Variants in HSPA12A observed in about 807,000 individuals in gnomAD.
The protein encoded by HSPA12A is heat shock 70 kDa protein 12A.
A neutral mutation model predicts 69.2 loss-of-function variants in HSPA12A; 28 were observed. That is an observed-to-expected ratio of 0.40 (90% CI 0.30 to 0.55). HSPA12A has a LOEUF of 0.55. HSPA12A is among the 20% of genes least tolerant of loss of function. The pLI is 0.38. For missense variants in HSPA12A, 686 were observed against 900.7 expected (o/e 0.76, Z 3.05); for synonymous variants, 345 against 370.5 (o/e 0.93, Z 0.79).
At chr10:116,818,424 T>C (rs946024232) in intron 2 of HSPA12A, among the ~76,000 whole-genome samples, 1 of 151,836 alleles carries the variant, frequency 6.6e-6, no homozygotes, top group Non-Finnish European at 1.5e-5. Flanking sequence ...CAGTGATGTA[T>C]GGAAGGGGGA....
At chr10:116,707,355 G>T in intron 1 of HSPA12A, 70 bp from the exon 2 acceptor site, 1 of 1,233,764 alleles carries the variant, frequency 8.1e-7, no homozygotes, top group East Asian at 2.5e-5. Flanking sequence ...AATGAGGGCT[G>T]CATGGCCTTA....
rs1298754311 is a variant in HSPA12A, at chr10:116,686,608, T to G, written c.664-2646A>C. 3.3e-5 allele frequency among the ~76,000 whole-genome samples: 5 copies of G among 152,114 alleles called. 1 individual carries two copies. The highest frequency in any genetic ancestry group is 2.0e-4 in the Admixed American group (3 of 15,274). Reference sequence around the variant, plus strand: ...CCCACTGGGATGTCAGCCTGCCAGGTGGGACTTGTGGCAGTGAGGCCCCCA... The same window carrying G: ...CCCACTGGGATGTCAGCCTGCCAGGGGGGACTTGTGGCAGTGAGGCCCCCA... On this transcript the variant is annotated intron_variant, in intron 6 of 11. Coordinates refer to ENST00000369209, the MANE Select transcript of HSPA12A (RefSeq NM_025015.3). This position sits in a 1 kb window ranked among gnomAD's most constrained non-coding sequence, Gnocchi z 4.1.
chr10:116,746,265 C>A (rs1851646945), upstream of HSPA12A, among the ~76,000 whole-genome samples: 1 of 152,178 alleles, frequency 6.6e-6, no homozygotes, highest in South Asian at 2.1e-4. Flanking sequence ...GCCCAGCTAA[C>A]TGCACCAGAC....
chr10:116,827,791 A>G (rs1365297350), intron 2 of HSPA12A, among the ~76,000 whole-genome samples: 1 of 152,228 alleles, frequency 6.6e-6, no homozygotes, highest in African/African-American at 2.4e-5. Context: ...GACAGGACTT[A>G]GTCCCTCAGG....
At chr10:116,790,727 G>A (rs770842709) in intron 2 of HSPA12A, among the ~76,000 whole-genome samples, 8 of 151,954 alleles carry the variant, frequency 5.3e-5, no homozygotes, top group Admixed American at 2.0e-4. Flanking sequence ...GTCTCACTCC[G>A]TCGCCCAGGC....
intron 1 of HSPA12A, among the ~76,000 whole-genome samples, chr10:116,731,687 G>T (rs1851159586): frequency 6.6e-6 from 1 of 152,046 alleles, no homozygotes; most frequent in South Asian, 2.1e-4. Context: ...ACTACACAGG[G>T]CTTACTTCAG....
chr10:116,803,631 G>C (rs1417107054), intron 2 of HSPA12A, among the ~76,000 whole-genome samples: 1 of 152,216 alleles, frequency 6.6e-6, no homozygotes, highest in African/African-American at 2.4e-5. Context: ...CTTCTTGGAT[G>C]ATATGTTCTG....
intron 3 of HSPA12A, among the ~76,000 whole-genome samples, chr10:116,703,957 A>C (rs1210803650): frequency 6.6e-6 from 1 of 152,204 alleles, no homozygotes; most frequent in African/African-American, 2.4e-5. Flanking sequence ...CTTCACTTGA[A>C]AGGGCCAGCA....
intron 2 of HSPA12A, among the ~76,000 whole-genome samples, chr10:116,772,628 C>T (rs929352123): frequency 1.3e-5 from 2 of 152,150 alleles, no homozygotes; most frequent in Non-Finnish European, 2.9e-5. Flanking sequence ...TATCTCTGCT[C>T]TAGGAAAGCC....
At chr10:116,700,824 G>C (rs1850057136) in intron 4 of HSPA12A, 119 bp downstream of exon 4, 2 of 861,624 alleles carry the variant, frequency 2.3e-6, no homozygotes, top group Non-Finnish European at 3.7e-6. Flanking sequence ...ACTGATTTCT[G>C]CTTGGAAGAG....
chr10:116,844,507 G>A (rs1845848589), intron 1 of HSPA12A, among the ~76,000 whole-genome samples: 1 of 152,162 alleles, frequency 6.6e-6, no homozygotes, highest in Non-Finnish European at 1.5e-5. Context: ...AACTGGGTGA[G>A]GAAGGTTAAT....
At chr10:116,691,191 G>A (rs1224470610) in intron 6 of HSPA12A, among the ~76,000 whole-genome samples, 1 of 152,204 alleles carries the variant, frequency 6.6e-6, no homozygotes, top group Non-Finnish European at 1.5e-5. Flanking sequence ...AAGGAGGCAG[G>A]GGAGTGCAGG....
intron 2 of HSPA12A, among the ~76,000 whole-genome samples, chr10:116,772,660 C>T (rs561373561): frequency 1.3e-4 from 20 of 151,966 alleles, no homozygotes; most frequent in African/African-American, 4.6e-4. Context: ...TTTTTCTTTT[C>T]CTTTCTATCT....
intron 2 of HSPA12A, chr10:116,833,440 T>G (rs528927654): frequency 2.0e-5 from 3 of 152,182 alleles, no homozygotes; most frequent in Non-Finnish European, 4.4e-5. Flanking sequence ...AAGATAATCA[T>G]GCCAACCCAT....
chr10:116,700,821 T>C, intron 4 of HSPA12A, 122 bp downstream of exon 4: 1 of 836,506 alleles, frequency 1.2e-6, no homozygotes, highest in Non-Finnish European at 1.9e-6. Flanking sequence ...GACACTGATT[T>C]CTGCTTGGAA....
intron 2 of HSPA12A, among the ~76,000 whole-genome samples, chr10:116,773,061 T>C (rs1257793125): frequency 3.3e-5 from 5 of 152,096 alleles, no homozygotes; most frequent in African/African-American, 4.8e-5. Flanking sequence ...CTAGCTAGAC[T>C]AAAAGTCTGG....
chr10:116,689,755 G>C (rs1420941855), intron 6 of HSPA12A, among the ~76,000 whole-genome samples: 2 of 151,482 alleles, frequency 1.3e-5, no homozygotes, highest in Non-Finnish European at 2.9e-5. Flanking sequence ...GCAGGCTCGA[G>C]ACCCTGGGAC....
At chr10:116,779,965 A>G (rs967027164) in intron 2 of HSPA12A, among the ~76,000 whole-genome samples, 5 of 152,112 alleles carry the variant, frequency 3.3e-5, no homozygotes, top group Non-Finnish European at 7.4e-5. Flanking sequence ...GCCCTGAAGG[A>G]GCTTCGACCT....
chr10:116,755,270 A>ATGTT (rs1843809067), intron 2 of HSPA12A, among the ~76,000 whole-genome samples: 1 of 152,094 alleles, frequency 6.6e-6, no homozygotes, highest in African/African-American at 2.4e-5. Context: ...GTATTTTTAA[A>ATGTT]TGTTAATTGA....
Sources: allele counts gnomAD v4.1 joint callset (sites outside exome capture counted in the v4.1 genomes callset), GRCh38; gene constraint gnomAD v4.1.1; non-coding constraint Gnocchi (gnomAD v3.1); transcripts MANE v1.5; gene names NCBI Gene and HGNC (gene_info 2026-07-23, HGNC 2026-07-21).